Variants in FANCD2 observed in about 807,000 individuals in gnomAD.
The protein encoded by FANCD2 is FA complementation group D2.
FANCD2 carries 131 observed loss-of-function variants against 192.3 expected under a neutral mutation model. The observed-to-expected ratio is 0.68, with a 90% CI of 0.59 to 0.79. FANCD2 has a LOEUF of 0.79. Among genes scored for constraint, FANCD2 ranks in the 30% least tolerant of loss-of-function variants. The pLI, the probability that FANCD2 is intolerant of heterozygous loss-of-function variation, is 0.00. For synonymous variants in FANCD2, 524 were observed against 612.5 expected (o/e 0.86, Z 2.13); for missense variants, 1,508 against 1,701.6 (o/e 0.89, Z 2.00).
intron 5 of FANCD2, 77 bp from the exon 6 acceptor site, chr3:10,035,096 A>G: frequency 1.6e-6 from 2 of 1,287,166 alleles, no homozygotes; most frequent in Middle Eastern, 1.9e-4. Context: ...TATTTAACCA[A>G]TTTTATTGAG....
At position 10,090,315 on chromosome 3, in the gene FANCD2, G is replaced by T. The variant is rs121917786; in HGVS notation, c.3707G>T (p.Arg1236Leu). 1.2e-6 allele frequency: 2 copies of T among 1,613,514 alleles called. No homozygotes were observed. The highest frequency in any genetic ancestry group is 3.3e-5 in the Admixed American group (2 of 59,972). ...AGGCATACTTTTGTTGTTTTCTTCC[G>T]TGTGATGATGGCTGAACTAGAGAAG... ...LTRHTFVVFF[R>L]VMMAELEKTV... Residue 1236 changes from arginine (R) to leucine (L), a missense_variant, in exon 37 of 44, where the codon CGT becomes CTT. Transcript: ENST00000675286.
chr3:10,046,236 G>T (rs1269654475), intron 14 of FANCD2, among the ~76,000 whole-genome samples: 4 of 151,706 alleles, frequency 2.6e-5, no homozygotes, highest in Non-Finnish European at 5.9e-5. Context: ...TGTATTTTTA[G>T]TAGAGACGGG....
At position 10,069,707 on chromosome 3, in the gene FANCD2, G is replaced by A. The variant is rs184879342; in HGVS notation, c.2494+2390G>A. On this transcript the variant is annotated intron_variant, in intron 26 of 43. Transcript: ENST00000675286. ...TCCAGCTCCTAACCGCGAGTGATCC[G>A]CTAGCCTCAGCCTCCCGAGGTGCCG... 2.3e-4 allele frequency among the ~76,000 whole-genome samples: 35 copies of A among 152,188 alleles called. No homozygotes were observed. The East Asian group carries it at 5.2e-3, about 23-fold the overall frequency.
intron 29 of FANCD2, among the ~76,000 whole-genome samples, chr3:10,076,296 T>TC (rs397969910): frequency 2.6e-5 from 4 of 151,734 alleles, no homozygotes; most frequent in South Asian, 2.1e-4. Flanking sequence ...TTTTTTTTTT[T>TC]CCCAAACCCT....
chr3:10,035,265 A>T, intron 6 of FANCD2, 32 bp downstream of exon 6: 1 of 1,584,190 alleles, frequency 6.3e-7, no homozygotes, highest in Non-Finnish European at 8.7e-7. Context: ...TGAACATTTG[A>T]TGGAAGAGGT....
chr3:10,083,318 C>T (rs1693961264), intron 32 of FANCD2, among the ~76,000 whole-genome samples: 1 of 151,938 alleles, frequency 6.6e-6, no homozygotes, highest in Admixed American at 6.6e-5. Context: ...AAAATAAATA[C>T]ATGAAAGGAT....
chr3:10,075,644 C>G (rs1183173476), intron 29 of FANCD2, among the ~76,000 whole-genome samples: 3 of 151,098 alleles, frequency 2.0e-5, no homozygotes, highest in Non-Finnish European at 4.4e-5. Flanking sequence ...TAGAATTTCT[C>G]TAGGTTTAAG....
Position 10,039,731 on chromosome 3 carries a change from C to G in FANCD2, c.581C>G (p.Thr194Ser). 5.6e-6 allele frequency: 9 copies of G among 1,614,058 alleles called. No individual in the cohort carries two copies. The highest frequency in any genetic ancestry group is 6.8e-6 in the Non-Finnish European group (8 of 1,180,010). Residue 194 changes from threonine to serine, a missense_variant, in exon 9 of 44, where the codon ACC (threonine) becomes AGC (serine). By Grantham distance (58) the Thr-to-Ser change is moderately conservative. Around this residue, in one of 5 missense-constraint regions of FANCD2, gnomAD observed 435 missense variants for 421.9 expected, o/e 1.03. Coordinates refer to ENST00000675286, the MANE Select transcript of FANCD2 (RefSeq NM_001018115.3). ...TGTCTTCTACTGCAGGACCTCACCA[C>G]CAAGATCATGCAGCTGATCAGTATT... The part of the protein sequence containing the change: ...DRVVDGKDLT[T>S]KIMQLISIAP...
intron 31 of FANCD2, 53 bp downstream of exon 31, chr3:10,081,281 G>A (rs2125059806): frequency 6.2e-7 from 1 of 1,613,478 alleles, no homozygotes; most frequent in Non-Finnish European, 8.5e-7. Flanking sequence ...TTCATTTTTG[G>A]CTGAGAAAAA....
At chr3:10,086,309 T>C (rs1230382098) in intron 33 of FANCD2, among the ~76,000 whole-genome samples, 3 of 152,142 alleles carry the variant, frequency 2.0e-5, no homozygotes, top group Non-Finnish European at 4.4e-5. Context: ...AGGAAGACCT[T>C]ATGTGGCTGA....
At chr3:10,042,108 G>A (rs34965509) in intron 10 of FANCD2, among the ~76,000 whole-genome samples, 29,941 of 151,856 alleles carry the variant, frequency 0.2, 3,452 homozygotes, top group African/African-American at 0.32. Context: ...ATATTGTCCA[G>A]GCTGGTCTTG....
chr3:10,076,132 C>T (rs1170606824), intron 29 of FANCD2, among the ~76,000 whole-genome samples: 1 of 151,640 alleles, frequency 6.6e-6, no homozygotes, highest in Admixed American at 6.6e-5. Context: ...GACTGTATTT[C>T]ACCCATTCTG....
intron 20 of FANCD2, among the ~76,000 whole-genome samples, chr3:10,062,886 T>C (rs550303875): frequency 6.6e-6 from 1 of 152,168 alleles, no homozygotes; most frequent in African/African-American, 2.4e-5. Flanking sequence ...GGTTTCACCA[T>C]GTTGGGGTTT....
intron 24 of FANCD2, 68 bp downstream of exon 24, chr3:10,065,562 A>G: frequency 4.9e-6 from 5 of 1,026,582 alleles, no homozygotes; most frequent in Non-Finnish European, 7.8e-6. Context: ...GGGAAAGGGC[A>G]GATCAATACA....
chr3:10,033,016 G>A, intron 3 of FANCD2, 44 bp downstream of exon 3: 1 of 1,406,048 alleles, frequency 7.1e-7, no homozygotes. Flanking sequence ...TAATGAAATA[G>A]TTCAGGACTG....
chr3:10,081,301 G>A (rs2125059840), intron 31 of FANCD2, 45 bp from the exon 32 acceptor site: 1 of 1,611,994 alleles, frequency 6.2e-7, no homozygotes, highest in South Asian at 1.1e-5. Flanking sequence ...AGGAAAATGA[G>A]GACAATTACT....
At chr3:10,071,985 C>G (rs1457332482) in intron 26 of FANCD2, among the ~76,000 whole-genome samples, 1 of 152,166 alleles carries the variant, frequency 6.6e-6, no homozygotes, top group Non-Finnish European at 1.5e-5. Flanking sequence ...GTCTCGAACT[C>G]CTGACCTCAA....
At chr3:10,086,611 C>T (rs887943407) in intron 33 of FANCD2, among the ~76,000 whole-genome samples, 2 of 151,972 alleles carry the variant, frequency 1.3e-5, no homozygotes, top group South Asian at 2.1e-4. Context: ...CCTCCCAAGA[C>T]GCTGGGATTA....
chr3:10,090,165 C>T, intron 36 of FANCD2, 127 bp from the exon 37 acceptor site: 1 of 697,404 alleles, frequency 1.4e-6, no homozygotes, highest in Non-Finnish European at 2.6e-6. Context: ...CATCCTCTTA[C>T]TAAGGACCCT....
Sources: gnomAD v4.1 joint callset for allele counts (sites outside exome capture counted in the v4.1 genomes callset) on GRCh38, gnomAD v4.1.1 for gene constraint, gnomAD v4.1.1 regional missense constraint, MANE v1.5 for transcripts, NCBI Gene and HGNC (gene_info 2026-07-23, HGNC 2026-07-21) for gene names.